MLLT11: variants seen among roughly 807,000 people sequenced by gnomAD.
The protein encoded by MLLT11 is MLLT11 transcription factor 7 cofactor, also known as protein AF1q.
Under a neutral mutation model 5.3 loss-of-function variants are expected in MLLT11, and 1 was observed. That is an observed-to-expected ratio of 0.19 (90% CI 0.07 to 0.89). The LOEUF is 0.89. Among genes scored for constraint, MLLT11 ranks in the 40% least tolerant of loss-of-function variants. The probability of loss-of-function intolerance (pLI) is 0.67; values close to 1 mark genes in which losing one functional copy is unlikely to be tolerated. For missense variants in MLLT11, 87 were observed against 107.3 expected, an observed-to-expected ratio of 0.81 and a Z score of 0.83; for synonymous variants, 38 against 41.7, an observed-to-expected ratio of 0.91 and a Z score of 0.34.
intron 1 of MLLT11, among the ~76,000 whole-genome samples, chr1:151,063,914 A>G (rs587661885): frequency 1.3e-5 from 2 of 152,348 alleles, no homozygotes; most frequent in Admixed American, 6.5e-5. Context: ...CTTTAAATCC[A>G]AATGGATTTC....
chr1:151,066,351 C>T (rs1676476638), intron 1 of MLLT11, among the ~76,000 whole-genome samples: 2 of 152,106 alleles, frequency 1.3e-5, no homozygotes, highest in South Asian at 4.1e-4. Flanking sequence ...GTTGGACAGG[C>T]TGGTCTCAAA....
At chr1:151,067,126 T>G in intron 1 of MLLT11, 93 bp from the exon 2 acceptor site, 1 of 1,026,560 alleles carries the variant, frequency 9.7e-7, no homozygotes, top group Non-Finnish European at 1.4e-6. Flanking sequence ...AGAAATTCCT[T>G]TTTACCAGTA....
Sources: gnomAD v4.1 joint callset for allele counts (sites outside exome capture counted in the v4.1 genomes callset) on GRCh38, gnomAD v4.1.1 for gene constraint, MANE v1.5 for transcripts, NCBI Gene and HGNC (gene_info 2026-07-23, HGNC 2026-07-21) for gene names.